RERE: variants seen among roughly 807,000 people sequenced by gnomAD.
RERE encodes the protein arginine-glutamic acid dipeptide repeats protein.
RERE carries 40 observed loss-of-function variants against 146.1 expected under a neutral mutation model. That is an observed-to-expected ratio of 0.27 (90% confidence interval 0.21 to 0.36). RERE has a LOEUF of 0.36. RERE is among the 10% of genes least tolerant of loss of function. RERE has a pLI of 1.00. For synonymous variants in RERE, 1,003 were observed against 866.0 expected (o/e 1.16, Z -2.78); for missense variants, 1,933 against 2,138.7 (o/e 0.90, Z 1.90).
intron 15 of RERE, 116 bp from the exon 16 acceptor site, chr1:8,362,960 TC>T: frequency 8.3e-7 from 1 of 1,204,522 alleles, no homozygotes; most frequent in South Asian, 1.5e-5. Context: ...TCTCAGCAAA[TC>T]CCAGACCTTG....
intron 11 of RERE, among the ~76,000 whole-genome samples, chr1:8,432,015 G>A (rs1164744809): frequency 2.0e-5 from 3 of 152,278 alleles, no homozygotes; most frequent in Admixed American, 1.3e-4. Context: ...CAACTACAGG[G>A]CCACGTCATG....
At chr1:8,746,231 G>A (rs1164468463) in intron 1 of RERE, among the ~76,000 whole-genome samples, 1 of 152,090 alleles carries the variant, frequency 6.6e-6, no homozygotes, top group African/African-American at 2.4e-5. Flanking sequence ...CTATGTTAAC[G>A]TAAATCATAG....
At position 8,388,540 on chromosome 1, in the gene RERE, C is replaced by T. The variant is rs1303148750; in HGVS notation, c.1285-22566G>A. Among the ~76,000 whole-genome samples, 4 of 152,070 alleles carry T rather than the reference C, an allele frequency of 2.6e-5. No homozygotes were observed. In the East Asian group the frequency reaches 5.8e-4, roughly 22 times the overall value. ...TTCACCTTGTTAGCCAGGATGGTCT[C>T]GATCTCCTGACCTCATGATCCGCCC... On this transcript the variant is annotated intron_variant, in intron 12 of 22. Coordinates refer to ENST00000400908, the MANE Select transcript of RERE (RefSeq NM_001042681.2).
intron 7 of RERE, among the ~76,000 whole-genome samples, chr1:8,534,618 A>G (rs1051794818): frequency 1.3e-5 from 2 of 152,218 alleles, no homozygotes; most frequent in East Asian, 1.9e-4. Context: ...CTCAAAATGA[A>G]TAACAACAGC....
chr1:8,484,483 T>C (rs1403441902), intron 10 of RERE, among the ~76,000 whole-genome samples: 2 of 151,662 alleles, frequency 1.3e-5, no homozygotes, highest in East Asian at 3.9e-4. Context: ...TGGAGTGCAG[T>C]AGCGCCATCT....
chr1:8,477,286 A>C (rs893230408), intron 10 of RERE, among the ~76,000 whole-genome samples: 1 of 152,226 alleles, frequency 6.6e-6, no homozygotes, highest in African/African-American at 2.4e-5. Context: ...TCTACTAAGA[A>C]GACTCAGCTT....
At chr1:8,395,802 T>A (rs1643035499) in intron 12 of RERE, among the ~76,000 whole-genome samples, 3 of 151,924 alleles carry the variant, frequency 2.0e-5, no homozygotes. Context: ...AGGCCTGCAG[T>A]GGGGGCACAG....
Position 8,612,035 on chromosome 1 carries a change from T to G in RERE, c.522+2526A>C, listed in dbSNP as rs1646799673. On this transcript the variant is annotated intron_variant, in intron 4 of 22. Transcript: ENST00000400908. ...GCAGATAGAAAAATGAACAGATAAG[T>G]TAAAACTTACAAAATTAAATCTGAT... 5.3e-5 allele frequency among the ~76,000 whole-genome samples: 8 copies of G among 152,158 alleles called. 1 individual carries two copies. Among genetic ancestry groups the G allele is most frequent in the Admixed American group, 5.2e-4 (8 of 15,274 alleles).
intron 12 of RERE, among the ~76,000 whole-genome samples, chr1:8,384,023 C>A (rs1022655460): frequency 6.6e-6 from 1 of 152,090 alleles, no homozygotes; most frequent in Admixed American, 6.6e-5. Context: ...TACAAACTCT[C>A]GTAGTAGAAA....
chr1:8,807,969 T>C (rs1030595261), intron 1 of RERE, among the ~76,000 whole-genome samples: 8 of 152,044 alleles, frequency 5.3e-5, no homozygotes, highest in African/African-American at 1.9e-4. Context: ...TACTTGCCAT[T>C]GTTCTACTTA....
At chr1:8,681,314 A>G (rs923043612) in intron 1 of RERE, among the ~76,000 whole-genome samples, 3 of 152,218 alleles carry the variant, frequency 2.0e-5, no homozygotes, top group Non-Finnish European at 4.4e-5. Flanking sequence ...TAAATTATGT[A>G]TAATAACCGG....
chr1:8,456,848 C>A (rs1000176747), intron 11 of RERE, among the ~76,000 whole-genome samples: 7 of 152,318 alleles, frequency 4.6e-5, no homozygotes, highest in Admixed American at 2.6e-4. Flanking sequence ...AGTGAACTCT[C>A]CATGGCTACC....
intron 10 of RERE, among the ~76,000 whole-genome samples, chr1:8,479,266 A>G (rs1644800922): frequency 6.6e-6 from 1 of 151,996 alleles, no homozygotes; most frequent in African/African-American, 2.4e-5. Flanking sequence ...GTCACAACAG[A>G]TGCAAAAATA....
chr1:8,471,143 T>C (rs573662512), intron 10 of RERE, among the ~76,000 whole-genome samples: 1 of 152,188 alleles, frequency 6.6e-6, no homozygotes, highest in Admixed American at 6.5e-5. Flanking sequence ...ACTTTTAACA[T>C]ACTAGAAGTT....
chr1:8,660,443 C>T (rs1236900058), intron 1 of RERE, among the ~76,000 whole-genome samples: 1 of 152,220 alleles, frequency 6.6e-6, no homozygotes, highest in Non-Finnish European at 1.5e-5. Flanking sequence ...GCAAGTCCCT[C>T]ATTTGATTCT....
At chr1:8,518,685 CTGGG>C (rs1645452473) in intron 7 of RERE, among the ~76,000 whole-genome samples, 1 of 152,174 alleles carries the variant, frequency 6.6e-6, no homozygotes, top group Admixed American at 6.5e-5. Flanking sequence ...GTGCAATATG[CTGGG>C]TTTCTCAATT....
intron 4 of RERE, among the ~76,000 whole-genome samples, chr1:8,572,363 G>A (rs567164395): frequency 6.6e-6 from 1 of 152,250 alleles, no homozygotes; most frequent in African/African-American, 2.4e-5. Flanking sequence ...TTAGCACACA[G>A]AGAAGTTAAT....
chr1:8,373,142 G>A (rs1387813742), intron 12 of RERE, among the ~76,000 whole-genome samples: 1 of 152,210 alleles, frequency 6.6e-6, no homozygotes, highest in Admixed American at 6.5e-5. Context: ...CCCCATCGCA[G>A]AGTCTTAGAA....
intron 4 of RERE, among the ~76,000 whole-genome samples, chr1:8,568,711 T>C (rs931870000): frequency 1.3e-5 from 2 of 152,148 alleles, no homozygotes; most frequent in African/African-American, 4.8e-5. Flanking sequence ...ATAAATTTAT[T>C]TTCTTTATAA....
Sources: gnomAD v4.1 joint callset for allele counts (sites outside exome capture counted in the v4.1 genomes callset) on GRCh38, gnomAD v4.1.1 for gene constraint, MANE v1.5 for transcripts, NCBI Gene and HGNC (gene_info 2026-07-23, HGNC 2026-07-21) for gene names.